Variants in SLX4IP observed in about 807,000 individuals in gnomAD.
The protein encoded by SLX4IP is SLX4 interacting protein.
In SLX4IP, 34 loss-of-function variants were observed where a neutral mutation model predicts 32.9. The observed-to-expected ratio is 1.03, with a 90% CI of 0.79 to 1.38. The LOEUF (loss-of-function observed/expected upper bound fraction) is 1.38, where lower values mean the gene tolerates loss of function less well. SLX4IP is among the 40% of genes most tolerant of loss of function. The pLI, the probability that SLX4IP is intolerant of heterozygous loss-of-function variation, is 0.00. For synonymous variants in SLX4IP, 172 were observed against 171.7 expected, an observed-to-expected ratio of 1.00 and a Z score of -0.01; for missense variants, 444 against 479.0, an observed-to-expected ratio of 0.93 and a Z score of 0.68.
At chr20:10,557,425 A>G (rs181327386) in intron 3 of SLX4IP, among the ~76,000 whole-genome samples, 2 of 152,368 alleles carry the variant, frequency 1.3e-5, no homozygotes, top group East Asian at 3.9e-4. Context: ...TTTATCATTC[A>G]GGTAAATAAC....
intron 2 of SLX4IP, among the ~76,000 whole-genome samples, chr20:10,465,193 C>A (rs2065370135): frequency 6.6e-6 from 1 of 152,196 alleles, no homozygotes; most frequent in Non-Finnish European, 1.5e-5. Flanking sequence ...CAATCTTAAA[C>A]CCAAGCTTTG....
chr20:10,552,343 T>G (rs1453551472), intron 2 of SLX4IP, among the ~76,000 whole-genome samples: 1 of 151,980 alleles, frequency 6.6e-6, no homozygotes, highest in Non-Finnish European at 1.5e-5. Context: ...TTCTCCTAAT[T>G]AGGAGGAGGA....
At chr20:10,466,342 GTAGA>G (rs1272523686) in intron 2 of SLX4IP, among the ~76,000 whole-genome samples, 1 of 152,178 alleles carries the variant, frequency 6.6e-6, no homozygotes, top group Admixed American at 6.5e-5. Flanking sequence ...GTGTGTCTCT[GTAGA>G]TAATTTCCTC....
At position 10,542,688 on chromosome 20, in the gene SLX4IP, C is replaced by T. The variant is rs564490415; in HGVS notation, c.28-13543C>T. ...GGCACTCTGCTGCCTGCTCACAGCA[C>T]TTACTCTTGACTAAGAATGCCTCCA... On this transcript the variant is annotated intron_variant, in intron 2 of 7. Transcript: ENST00000334534. Among the ~76,000 whole-genome samples the T allele has an allele frequency of 9.8e-5, 15 of 152,352 alleles. No homozygotes were observed. In the South Asian group the frequency reaches 3.1e-3, roughly 32 times the overall value.
Position 10,623,311 on chromosome 20 carries a change from A to G in SLX4IP, c.1159A>G (p.Thr387Ala). The G allele has an allele frequency of 6.2e-7, 1 of 1,614,144 alleles. No individual in the cohort carries two copies. The highest frequency in any genetic ancestry group is 1.7e-5 in the Admixed American group (1 of 60,028). ...QAQQTGLATN[T>A]ERLSTIQNSP... ...ACAGCAAACCGGCTTAGCCACAAAC[A>G]CTGAAAGATTATCTACAATTCAGAA... The change falls in exon 8 of 8, where the codon ACT (threonine) becomes GCT (alanine). Residue 387 changes from threonine to alanine, a missense_variant. Transcript: ENST00000334534.
intron 4 of SLX4IP, among the ~76,000 whole-genome samples, chr20:10,598,350 A>C (rs1019242100): frequency 2.0e-5 from 3 of 152,082 alleles, no homozygotes; most frequent in Admixed American, 6.6e-5. Flanking sequence ...TACAACCTCC[A>C]CTTCCCAGGT....
intron 3 of SLX4IP, among the ~76,000 whole-genome samples, chr20:10,558,844 C>T (rs1185883622): frequency 6.6e-6 from 1 of 152,180 alleles, no homozygotes; most frequent in Non-Finnish European, 1.5e-5. Context: ...GAGAAAGCTT[C>T]ATGACGTGTG....
At chr20:10,560,195 C>A (rs2066316184) in intron 3 of SLX4IP, among the ~76,000 whole-genome samples, 1 of 152,182 alleles carries the variant, frequency 6.6e-6, no homozygotes, top group African/African-American at 2.4e-5. Flanking sequence ...TGTGGGTTCC[C>A]CATGCCGTTG....
intron 2 of SLX4IP, among the ~76,000 whole-genome samples, chr20:10,525,603 G>T (rs1439169431): frequency 6.6e-6 from 1 of 152,152 alleles, no homozygotes; most frequent in Non-Finnish European, 1.5e-5. Flanking sequence ...GGATTAGGGG[G>T]TGTTAATGGT....
chr20:10,625,214 G>A lies in SLX4IP; in HGVS notation c.*1835G>A, dbSNP rs2067159335. 1 of 152,204 alleles carries A rather than the reference G, an allele frequency of 6.6e-6. No individual in the cohort carries two copies. Among genetic ancestry groups the A allele is most frequent in the Non-Finnish European group, 1.5e-5 (1 of 68,046 alleles). The allele number at this position is 152,204 out of a possible 1,614,324, so 9.4% of individuals were successfully genotyped here. A position where few individuals can be genotyped will look rare whatever the true frequency, so the allele number is the denominator to read the frequency against. ...TCTCTTAGAGCAAACAGTATTTTAGGTGTGCTCTTTATTGAACACAGGACC... is the reference window on the plus strand; with the variant it reads ...TCTCTTAGAGCAAACAGTATTTTAGATGTGCTCTTTATTGAACACAGGACC... On this transcript the variant is annotated 3_prime_UTR_variant, in exon 8 of 8. Coordinates refer to ENST00000334534, the MANE Select transcript of SLX4IP (RefSeq NM_001009608.3).
intron 6 of SLX4IP, among the ~76,000 whole-genome samples, chr20:10,615,082 G>A (rs1015649472): frequency 7.2e-5 from 11 of 151,764 alleles, no homozygotes; most frequent in Non-Finnish European, 1.6e-4. Flanking sequence ...CTTTTTTAAT[G>A]GGTCTGTAGA....
intron 4 of SLX4IP, among the ~76,000 whole-genome samples, chr20:10,593,731 G>T (rs1414447217): frequency 1.2e-4 from 18 of 151,624 alleles, no homozygotes; most frequent in Admixed American, 1.2e-3. Flanking sequence ...GCAAGACCCT[G>T]TCAAAAAAAA....
intron 2 of SLX4IP, among the ~76,000 whole-genome samples, chr20:10,500,269 A>G (rs2065706020): frequency 6.6e-6 from 1 of 150,822 alleles, no homozygotes; most frequent in African/African-American, 2.4e-5. Context: ...TTGCGATTAC[A>G]GGTGCCCGCC....
chr20:10,436,576 G>T (rs963931999), intron 1 of SLX4IP, among the ~76,000 whole-genome samples: 1 of 152,062 alleles, frequency 6.6e-6, no homozygotes, highest in Non-Finnish European at 1.5e-5. Flanking sequence ...GGTTGTTCTC[G>T]AACTCCTGAC....
At chr20:10,467,482 C>T (rs1056667749) in intron 2 of SLX4IP, among the ~76,000 whole-genome samples, 1 of 152,278 alleles carries the variant, frequency 6.6e-6, no homozygotes, top group South Asian at 2.1e-4. Flanking sequence ...ATTTCTTCTC[C>T]TGATACTTAA....
intron 1 of SLX4IP, among the ~76,000 whole-genome samples, chr20:10,452,912 C>T (rs4527273): frequency 3.3e-5 from 5 of 151,010 alleles, no homozygotes; most frequent in South Asian, 4.2e-4. Flanking sequence ...AATTGGATCC[C>T]GATCACTAAA....
intron 7 of SLX4IP, among the ~76,000 whole-genome samples, chr20:10,621,831 C>T (rs933591626): frequency 8.5e-5 from 13 of 152,152 alleles, no homozygotes; most frequent in African/African-American, 3.1e-4. Context: ...CTGAAGCTAG[C>T]CGAAATAAAT....
intron 4 of SLX4IP, among the ~76,000 whole-genome samples, chr20:10,561,907 C>T (rs896210987): frequency 6.6e-6 from 1 of 152,158 alleles, no homozygotes; most frequent in African/African-American, 2.4e-5. Flanking sequence ...CCTTTGGGCT[C>T]ATCCGTGTTG....
At chr20:10,560,081 T>C (rs2066314474) in intron 3 of SLX4IP, among the ~76,000 whole-genome samples, 1 of 152,256 alleles carries the variant, frequency 6.6e-6, no homozygotes, top group Non-Finnish European at 1.5e-5. Context: ...TAAAAATTAC[T>C]GTTTCTGACT....
Sources: gnomAD v4.1 joint callset for allele counts (sites outside exome capture counted in the v4.1 genomes callset) on GRCh38, gnomAD v4.1.1 for gene constraint, MANE v1.5 for transcripts, NCBI Gene and HGNC (gene_info 2026-07-23, HGNC 2026-07-21) for gene names.